Variants in KCNQ1 observed in about 807,000 individuals in gnomAD.
KCNQ1 encodes potassium voltage-gated channel subfamily Q member 1.
KCNQ1 carries 49 observed loss-of-function variants against 72.4 expected under a neutral mutation model. That is an observed-to-expected ratio of 0.68 (90% CI 0.54 to 0.86). The LOEUF is 0.86. KCNQ1 is among the 40% of genes least tolerant of loss of function. The pLI is 0.00. For synonymous variants in KCNQ1, 450 were observed against 412.6 expected, an observed-to-expected ratio of 1.09 and a Z score of -1.10; for missense variants, 790 against 945.1, an observed-to-expected ratio of 0.84 and a Z score of 2.15.
chr11:2,773,936 C>G (rs1302821772), intron 12 of KCNQ1, among the ~76,000 whole-genome samples: 1 of 151,654 alleles, frequency 6.6e-6, no homozygotes, highest in Non-Finnish European at 1.5e-5. Context: ...AAGAGAGAGA[C>G]AGGGTTCAGC....
intron 10 of KCNQ1, chr11:2,631,061 C>T (rs1849344642): frequency 2.5e-6 from 1 of 398,400 alleles, no homozygotes; most frequent in Admixed American, 4.4e-5. Flanking sequence ...GGTGAAACCT[C>T]TTTTAGATGG....
At position 2,494,472 on chromosome 11, in the gene KCNQ1, T is replaced by G. The variant is rs928554358; in HGVS notation, c.387-33456T>G. On this transcript the variant is annotated intron_variant, in intron 1 of 15. Coordinates refer to ENST00000155840, the MANE Select transcript of KCNQ1 (RefSeq NM_000218.3). The surrounding 1 kb of genome is among the most constrained non-coding windows in gnomAD (Gnocchi z 4.6). ...AGCTTTTGCCCGTTCAGTATGATATTGCCTGTGGGTTTGTCATAAATAGCT... is the reference window on the plus strand; with the variant it reads ...AGCTTTTGCCCGTTCAGTATGATATGGCCTGTGGGTTTGTCATAAATAGCT... Among the ~76,000 whole-genome samples, 4 of 152,226 alleles carry G rather than the reference T, an allele frequency of 2.6e-5. No homozygotes were observed. Among genetic ancestry groups the G allele is most frequent in the Non-Finnish European group, 5.9e-5 (4 of 68,042 alleles).
At chr11:2,744,274 C>T (rs758705429) in intron 11 of KCNQ1, among the ~76,000 whole-genome samples, 4 of 152,356 alleles carry the variant, frequency 2.6e-5, no homozygotes, top group Non-Finnish European at 5.9e-5. Flanking sequence ...GATGTGGCAT[C>T]GGGAACACCA....
chr11:2,675,287 C>G (rs1850273661), intron 11 of KCNQ1: 1 of 398,388 alleles, frequency 2.5e-6, no homozygotes, highest in South Asian at 1.3e-4. Context: ...CTCCCAAAAG[C>G]AGAGTTTTGG....
chr11:2,837,290 C>T (rs1205692913), intron 15 of KCNQ1, among the ~76,000 whole-genome samples: 1 of 152,126 alleles, frequency 6.6e-6, no homozygotes, highest in Non-Finnish European at 1.5e-5. Context: ...CCAGAGGCCT[C>T]TCAGTGGTGC....
At chr11:2,665,664 C>T in intron 11 of KCNQ1, 1 of 398,150 alleles carries the variant, frequency 2.5e-6, no homozygotes, top group Non-Finnish European at 4.4e-6. Context: ...TACCAGTTCC[C>T]TAAGCCTTTC....
rs534659650 is a variant in KCNQ1, at chr11:2,516,192, G to A, written c.387-11736G>A. ...CAGGGAGACCCGGAGTCCAGTTCTC[G>A]CCAACCGCTCGATGCTGTGTGACTT... On this transcript the variant is annotated intron_variant, in intron 1 of 15. Transcript: ENST00000155840. This position sits in a 1 kb window ranked among gnomAD's most constrained non-coding sequence, Gnocchi z 7.0. Among the ~76,000 whole-genome samples, 7 of 152,042 alleles carry A rather than the reference G, an allele frequency of 4.6e-5. No homozygotes were observed. Among genetic ancestry groups the A allele is most frequent in the Admixed American group, 2.0e-4 (3 of 15,260 alleles).
At chr11:2,634,028 G>A in intron 10 of KCNQ1, 1 of 398,522 alleles carries the variant, frequency 2.5e-6, no homozygotes. Flanking sequence ...AGTGCCTCCA[G>A]CTTCATTCTG....
At chr11:2,633,588 T>C (rs1436627226) in intron 10 of KCNQ1, 3 of 398,486 alleles carry the variant, frequency 7.5e-6, no homozygotes, top group African/African-American at 2.1e-5. Flanking sequence ...GCATATGATA[T>C]CCTGTTTTCC....
At chr11:2,763,577 A>C (rs1296652412) in intron 11 of KCNQ1, among the ~76,000 whole-genome samples, 2 of 152,194 alleles carry the variant, frequency 1.3e-5, no homozygotes, top group Non-Finnish European at 2.9e-5. Flanking sequence ...AGCATATAGA[A>C]ATATACATAT....
rs746513714 is a variant in KCNQ1, at chr11:2,588,888, G to C, written c.1393+34G>C. On this transcript the variant is annotated intron_variant, in intron 10 of 15. Transcript: ENST00000155840. This position sits in a 1 kb window ranked among gnomAD's most constrained non-coding sequence, Gnocchi z 5.6. Reference sequence around the variant, plus strand: ...CCCTCAGGCAGTTGGGGGCCGCGGGGCCGGGAAGGTCACTGCCTTTTTTGG... The same window carrying C: ...CCCTCAGGCAGTTGGGGGCCGCGGGCCCGGGAAGGTCACTGCCTTTTTTGG... 3.1e-6 allele frequency: 5 copies of C among 1,608,358 alleles called. No homozygotes were observed. Among genetic ancestry groups the C allele is most frequent in the Non-Finnish European group, 3.4e-6 (4 of 1,179,224 alleles).
At position 2,661,960 on chromosome 11, in the gene KCNQ1, G is replaced by T. The variant is rs775537394; in HGVS notation, c.1394-1G>T. 52 of 1,614,168 alleles carry T rather than the reference G, an allele frequency of 3.2e-5. No homozygotes were observed. Among genetic ancestry groups the T allele is most frequent in the Non-Finnish European group, 4.4e-5 (52 of 1,180,044 alleles). On this transcript the variant is annotated splice_acceptor_variant, in intron 10 of 15. Coordinates refer to ENST00000155840, the MANE Select transcript of KCNQ1 (RefSeq NM_000218.3). LOFTEE classifies it high-confidence loss of function. This position sits in a 1 kb window ranked among gnomAD's most constrained non-coding sequence, Gnocchi z 5.9. ...GTGCTGTCCCCACACTTTCTCCTCA[G>T]TAAGGAAGAGCCCAACACTGCTGGA...
In KCNQ1 at chr11:2,562,227, C is replaced by T. The variant is rs566729038; in HGVS notation, c.478-8401C>T. 6.7e-5 allele frequency among the ~76,000 whole-genome samples: 8 copies of T among 119,040 alleles called. No individual in the cohort carries two copies. In the South Asian group the frequency reaches 1.4e-3, roughly 21 times the overall value. 78.1% of individuals were successfully genotyped at this position (119,040 alleles called of 152,430 possible). On this transcript the variant is annotated intron_variant, in intron 2 of 15. Coordinates refer to ENST00000155840, the MANE Select transcript of KCNQ1 (RefSeq NM_000218.3). The surrounding 1 kb of genome is among the most constrained non-coding windows in gnomAD (Gnocchi z 7.5). Reference sequence around the variant, plus strand: ...ACTCCCCGGGGGGTGGGGGTGAGGGCGGGGGTGAGTGTGGATGAGGGCCCC... The same window carrying T: ...ACTCCCCGGGGGGTGGGGGTGAGGGTGGGGGTGAGTGTGGATGAGGGCCCC...
chr11:2,632,144 C>G, intron 10 of KCNQ1: 1 of 380,454 alleles, frequency 2.6e-6, no homozygotes, highest in Non-Finnish European at 4.5e-6. Context: ...GATCGCGCCA[C>G]TACACTCTAG....
intron 10 of KCNQ1, among the ~76,000 whole-genome samples, chr11:2,590,241 C>G (rs1848653224): frequency 6.6e-6 from 1 of 152,210 alleles, no homozygotes; most frequent in Non-Finnish European, 1.5e-5. Context: ...TGTTTGCTCC[C>G]TAGTACCTCG....
At position 2,752,796 on chromosome 11, in the gene KCNQ1, C is replaced by A. The variant is rs770646704; in HGVS notation, c.1515-16048C>A. ...AGACACACACATTCAGACTACAGCA[C>A]CTTGCTCCTGGGGAAACAGAGGAAA... On this transcript the variant is annotated intron_variant, in intron 11 of 15. Transcript: ENST00000155840. This position sits in a 1 kb window ranked among gnomAD's most constrained non-coding sequence, Gnocchi z 5.2. Among the ~76,000 whole-genome samples, 2 of 152,158 alleles carry A rather than the reference C, an allele frequency of 1.3e-5. No homozygotes were observed. The highest frequency in any genetic ancestry group is 2.4e-5 in the African/African-American group (1 of 41,438).
chr11:2,804,694 C>A (rs1206450421), intron 15 of KCNQ1, among the ~76,000 whole-genome samples: 1 of 152,212 alleles, frequency 6.6e-6, no homozygotes, highest in East Asian at 1.9e-4. Context: ...AGCCACCATT[C>A]TCCACACTCT....
rs763578753 is a variant in KCNQ1, at chr11:2,508,148, G to A, written c.387-19780G>A. Among the ~76,000 whole-genome samples, 3 of 152,160 alleles carry A rather than the reference G, an allele frequency of 2.0e-5. No homozygotes were observed. Among genetic ancestry groups the A allele is most frequent in the Non-Finnish European group, 4.4e-5 (3 of 68,024 alleles). On this transcript the variant is annotated intron_variant, in intron 1 of 15. Transcript: ENST00000155840. The surrounding 1 kb of genome is among the most constrained non-coding windows in gnomAD (Gnocchi z 6.2). ...TTGGCCCCACGGCAGTGGAGCTGGG[G>A]TTTCCCAGGGATGCTGCTGCTGAAG... is the stretch of plus-strand genomic sequence containing the variant.
intron 3 of KCNQ1, 121 bp downstream of exon 3, chr11:2,570,875 G>A (rs1490202444): frequency 7.2e-7 from 1 of 1,396,100 alleles, no homozygotes; most frequent in South Asian, 1.2e-5. Flanking sequence ...GCCAGCAGGG[G>A]GTGACTGCCC....
Sources: gnomAD v4.1 joint callset for allele counts (sites outside exome capture counted in the v4.1 genomes callset) on GRCh38, gnomAD v4.1.1 for gene constraint, Gnocchi (gnomAD v3.1) non-coding constraint, MANE v1.5 for transcripts, NCBI Gene and HGNC (gene_info 2026-07-23, HGNC 2026-07-21) for gene names.